The following ROBO1 variants were observed in gnomAD, a reference collection of about 807,000 sequenced individuals.
ROBO1 encodes the protein roundabout homolog 1.
In ROBO1, 149 loss-of-function variants were observed where a neutral mutation model predicts 195.9. The ratio of observed to expected loss-of-function variants is 0.76; its 90% CI spans 0.67 to 0.87. The LOEUF is 0.87. Among genes scored for constraint, ROBO1 ranks in the 40% least tolerant of loss-of-function variants. The probability of loss-of-function intolerance (pLI) is 0.00; values close to 1 mark genes in which losing one functional copy is unlikely to be tolerated. For synonymous variants in ROBO1, 816 were observed against 733.2 expected (o/e 1.11, Z -1.82); for missense variants, 1,933 against 2,068.3 (o/e 0.93, Z 1.27).
At chr3:79,085,599 A>T (rs2079353132) in intron 3 of ROBO1, among the ~76,000 whole-genome samples, 1 of 152,154 alleles carries the variant, frequency 6.6e-6, no homozygotes, top group Admixed American at 6.5e-5. Flanking sequence ...TAAGAGAGTG[A>T]TGAGCTTGTG....
chr3:79,424,770 T>C (rs1385897921), intron 2 of ROBO1, among the ~76,000 whole-genome samples: 4 of 152,102 alleles, frequency 2.6e-5, no homozygotes, highest in African/African-American at 9.7e-5. Context: ...GGGATCCCAT[T>C]CCATAGGTTG....
chr3:79,530,915 C>T (rs908371579), intron 2 of ROBO1, among the ~76,000 whole-genome samples: 10 of 152,052 alleles, frequency 6.6e-5, no homozygotes, highest in African/African-American at 2.2e-4. Flanking sequence ...AGTCATCTTG[C>T]GGGACGTGAC....
At chr3:79,517,019 C>T (rs1422915568) in intron 2 of ROBO1, among the ~76,000 whole-genome samples, 5 of 152,178 alleles carry the variant, frequency 3.3e-5, no homozygotes, top group African/African-American at 1.2e-4. Context: ...GAGTGATAAA[C>T]TGCATCATAG....
intron 4 of ROBO1, among the ~76,000 whole-genome samples, chr3:78,828,572 T>C (rs2031850796): frequency 6.6e-6 from 1 of 152,204 alleles, no homozygotes. Context: ...GTGAATTTAA[T>C]TACAAAGAAA....
intron 2 of ROBO1, among the ~76,000 whole-genome samples, chr3:79,153,335 C>T (rs1238994312): frequency 1.3e-5 from 2 of 151,664 alleles, no homozygotes; most frequent in African/African-American, 4.8e-5. Context: ...AAACCAAGGA[C>T]AATTAATTTT....
intron 2 of ROBO1, among the ~76,000 whole-genome samples, chr3:79,535,060 A>C (rs1941803810): frequency 7.7e-6 from 1 of 129,830 alleles, no homozygotes; most frequent in Non-Finnish European, 1.7e-5. Context: ...TGTAGGACTA[A>C]TCCCCAAATG....
intron 2 of ROBO1, among the ~76,000 whole-genome samples, chr3:79,173,306 C>A (rs1200980259): frequency 3.3e-5 from 5 of 152,160 alleles, no homozygotes; most frequent in East Asian, 1.9e-4. Context: ...GAGGCTGGAG[C>A]CAGCTCCCTC....
chr3:79,454,064 A>C (rs2039534109), intron 2 of ROBO1, among the ~76,000 whole-genome samples: 1 of 152,036 alleles, frequency 6.6e-6, no homozygotes, highest in Admixed American at 6.6e-5. Flanking sequence ...TCTTATCTAT[A>C]GTCTAATTGG....
At chr3:79,719,517 C>T (rs1337321531) in intron 1 of ROBO1, among the ~76,000 whole-genome samples, 1 of 152,096 alleles carries the variant, frequency 6.6e-6, no homozygotes, top group Non-Finnish European at 1.5e-5. Flanking sequence ...AGAACGTCTT[C>T]TTATAATGCT....
chr3:79,741,233 A>G (rs936136241), intron 1 of ROBO1, among the ~76,000 whole-genome samples: 1 of 152,190 alleles, frequency 6.6e-6, no homozygotes, highest in Non-Finnish European at 1.5e-5. Flanking sequence ...TCAGCCAACC[A>G]TTAGCCATGG....
intron 21 of ROBO1, among the ~76,000 whole-genome samples, chr3:78,641,534 G>A (rs1705954589): frequency 6.6e-6 from 1 of 152,130 alleles, no homozygotes; most frequent in African/African-American, 2.4e-5. Context: ...TTATAACACA[G>A]ATATCTGGAG....
chr3:79,111,301 C>A (rs1280936401), intron 3 of ROBO1, among the ~76,000 whole-genome samples: 2 of 152,130 alleles, frequency 1.3e-5, no homozygotes, highest in African/African-American at 4.8e-5. Context: ...CTTAACCAGG[C>A]CTCTTGTGTG....
chr3:79,235,417 C>G (rs1019119371), intron 2 of ROBO1, among the ~76,000 whole-genome samples: 1 of 109,514 alleles, frequency 9.1e-6, no homozygotes, highest in African/African-American at 3.5e-5. Flanking sequence ...AAACATATAC[C>G]CAAGTTACTG....
chr3:79,309,705 A>T (rs1177865862), intron 2 of ROBO1, among the ~76,000 whole-genome samples: 1 of 152,184 alleles, frequency 6.6e-6, no homozygotes, highest in Admixed American at 6.5e-5. Context: ...GACAAAGAGA[A>T]TTTAAAAATG....
At chr3:79,464,935 A>G (rs76483894) in intron 2 of ROBO1, among the ~76,000 whole-genome samples, 7,371 of 152,182 alleles carry the variant, frequency 0.048, 491 homozygotes, top group African/African-American at 0.15. Flanking sequence ...TTGGGCAGCC[A>G]TAGACTCATG....
chr3:79,560,810 G>A (rs921027971), intron 2 of ROBO1, among the ~76,000 whole-genome samples: 4 of 151,870 alleles, frequency 2.6e-5, no homozygotes, highest in Admixed American at 6.6e-5. Context: ...TAAGTGCTTC[G>A]CTATTATGTC....
intron 2 of ROBO1, among the ~76,000 whole-genome samples, chr3:79,270,013 A>C (rs2030375901): frequency 6.6e-6 from 1 of 151,858 alleles, no homozygotes; most frequent in Admixed American, 6.6e-5. Context: ...TTGAAGAAAC[A>C]AATTAATCAT....
rs187964949 is a variant in ROBO1, at chr3:79,017,253, T to C, written c.173-78326A>G. Among the ~76,000 whole-genome samples, 1,161 of 152,176 alleles carry C rather than the reference T, an allele frequency of 7.6e-3. 13 individuals carry two copies. The highest frequency in any genetic ancestry group is 0.03 in the East Asian group (158 of 5,184). ...ATTTAGCTGACGTATGTGGTTTTTT[T>C]CCCCCCTTTTCTTACTCTGTTAACT... On this transcript the variant is annotated intron_variant, in intron 3 of 30. Transcript: ENST00000464233.
intron 2 of ROBO1, among the ~76,000 whole-genome samples, chr3:79,487,220 T>A (rs974388624): frequency 1.8e-4 from 1 of 5,692 alleles, no homozygotes; most frequent in Admixed American, 1.6e-3. Context: ...TGGTTTAATT[T>A]ATTTATTTTT....
Sources: allele counts gnomAD v4.1 joint callset (sites outside exome capture counted in the v4.1 genomes callset), GRCh38; gene constraint gnomAD v4.1.1; transcripts MANE v1.5; gene names NCBI Gene and HGNC (gene_info 2026-07-23, HGNC 2026-07-21).